The following PHLPP1 variants were observed in gnomAD, a reference collection of about 807,000 sequenced individuals.
The protein encoded by PHLPP1 is PH domain leucine-rich repeat-containing protein phosphatase 1.
PHLPP1 carries 42 observed loss-of-function variants against 117.2 expected under a neutral mutation model. The ratio of observed to expected loss-of-function variants is 0.36; its 90% CI spans 0.28 to 0.46. The LOEUF (loss-of-function observed/expected upper bound fraction) is 0.46, where lower values mean the gene tolerates loss of function less well. PHLPP1 is among the 20% of genes least tolerant of loss of function. The pLI is 1.00. For missense variants in PHLPP1, 2,084 were observed against 2,241.9 expected, an observed-to-expected ratio of 0.93 and a Z score of 1.42; for synonymous variants, 1,042 against 970.7, an observed-to-expected ratio of 1.07 and a Z score of -1.37.
In PHLPP1 at chr18:62,774,685, C is replaced by CT. The variant is rs531010554; in HGVS notation, c.1577-55347dup. 1.1e-3 allele frequency among the ~76,000 whole-genome samples: 161 copies of CT among 152,304 alleles called. 1 individual carries two copies. The highest frequency in any genetic ancestry group is 3.4e-3 in the African/African-American group (140 of 41,566). On this transcript the variant is annotated intron_variant, in intron 1 of 16. Transcript: ENST00000262719. ...GTAACAATTTCATCTGTGTTCTTGA[C>CT]TTTCGTTTAGAAACCTTATCCTTTC...
rs754701296 is a variant in PHLPP1, at chr18:62,978,531, G to A, written c.4254G>A (p.Val1418=). 1 of 1,611,168 alleles carries A rather than the reference G, an allele frequency of 6.2e-7. No homozygotes were observed. Among genetic ancestry groups the A allele is most frequent in the South Asian group, 1.1e-5 (1 of 90,632 alleles). Residue 1418 remains valine, a synonymous_variant, in exon 17 of 17, where the codon GTG becomes GTA. Coordinates refer to ENST00000262719, the MANE Select transcript of PHLPP1 (RefSeq NM_194449.4). The surrounding 1 kb of genome is among the most constrained non-coding windows in gnomAD (Gnocchi z 7.0). ...GCTGCCACGACAGCATCAGCGCTGT[G>A]GTGGTGCAGCTCAGTGTCACTGAGG... ...SYGCHDSISA[V]VVQLSVTEDS... is the part of the protein sequence containing the mutation.
intron 1 of PHLPP1, among the ~76,000 whole-genome samples, chr18:62,748,515 G>A (rs1911748010): frequency 6.6e-6 from 1 of 152,110 alleles, no homozygotes; most frequent in Admixed American, 6.5e-5. Flanking sequence ...CAAAGTGCTG[G>A]GATTACAGGG....
At chr18:62,882,130 G>A (rs984446662) in intron 4 of PHLPP1, among the ~76,000 whole-genome samples, 5 of 152,122 alleles carry the variant, frequency 3.3e-5, no homozygotes, top group African/African-American at 9.7e-5. Context: ...GTTGGATTGG[G>A]ACAAGAATAT....
chr18:62,810,497 A>G (rs543286440), intron 1 of PHLPP1, among the ~76,000 whole-genome samples: 62 of 152,296 alleles, frequency 4.1e-4, no homozygotes, highest in Non-Finnish European at 7.4e-5. Context: ...TTTTTCCTAT[A>G]TAAACATACC....
At chr18:62,782,234 T>C (rs1190213662) in intron 1 of PHLPP1, among the ~76,000 whole-genome samples, 1 of 152,270 alleles carries the variant, frequency 6.6e-6, no homozygotes, top group African/African-American at 2.4e-5. Context: ...AGTCTGCCTG[T>C]GCAGGTGTCT....
intron 1 of PHLPP1, among the ~76,000 whole-genome samples, chr18:62,750,353 C>T (rs552302651): frequency 1.8e-4 from 27 of 152,290 alleles, no homozygotes; most frequent in African/African-American, 6.5e-4. Flanking sequence ...TAATCTCTCT[C>T]TCTCTCTGTC....
Position 62,716,223 on chromosome 18 carries a change from G to A in PHLPP1, c.540G>A (p.Lys180=), listed in dbSNP as rs1051088639. Residue 180 remains lysine, a synonymous_variant, in exon 1 of 17, where the codon AAG becomes AAA. Transcript: ENST00000262719. The surrounding 1 kb of genome is among the most constrained non-coding windows in gnomAD (Gnocchi z 5.7). ...RSLDRKTLLL[K]HRQTLQLQPS... ...TGGACAGGAAGACGCTGCTTCTGAA[G>A]CACCGGCAGACGCTGCAGCTGCAGC... 4 of 1,528,300 alleles carry A rather than the reference G, an allele frequency of 2.6e-6. No homozygotes were observed. The highest frequency in any genetic ancestry group is 3.5e-6 in the Non-Finnish European group (4 of 1,143,464). The allele number at this position is 1,528,300 out of a possible 1,614,324, so 94.7% of individuals were successfully genotyped here.
In PHLPP1 at chr18:62,716,433, G is replaced by C. The variant is rs1599009531; in HGVS notation, c.750G>C (p.Gln250His). The C allele has an allele frequency of 3.7e-6, 5 of 1,366,316 alleles. No homozygotes were observed. Among genetic ancestry groups the C allele is most frequent in the Non-Finnish European group, 4.7e-6 (5 of 1,061,614 alleles). 84.6% of individuals were successfully genotyped at this position (1,366,316 alleles called of 1,614,324 possible). ...GCGGCGTGGTGAAGGTGCTGGGCCA[G>C]GGGCCCGGAGCCGCCGCCGCCCGGG... is the stretch of plus-strand genomic sequence containing the variant. ...KGGGVVKVLG[Q>H]GPGAAAAREP... Residue 250 changes from glutamine (Q) to histidine (H), a missense_variant, in exon 1 of 17, where the codon CAG becomes CAC. This residue lies in a region of PHLPP1 where 719 missense variants were observed against 636.0 expected (regional missense o/e 1.13). Transcript: ENST00000262719. The surrounding 1 kb of genome is among the most constrained non-coding windows in gnomAD (Gnocchi z 5.7).
At position 62,716,225 on chromosome 18, in the gene PHLPP1, A is replaced by G; in HGVS notation, c.542A>G (p.His181Arg). The change falls in exon 1 of 17, where the codon CAC becomes CGC. Residue 181 changes from histidine (H) to arginine (R), a missense_variant. Physicochemically the swap from His to Arg is conservative, Grantham distance 29 (BLOSUM62 0). Coordinates refer to ENST00000262719, the MANE Select transcript of PHLPP1 (RefSeq NM_194449.4). The surrounding 1 kb of genome is among the most constrained non-coding windows in gnomAD (Gnocchi z 5.7). ...GACAGGAAGACGCTGCTTCTGAAGC[A>G]CCGGCAGACGCTGCAGCTGCAGCCG... ...SLDRKTLLLKHRQTLQLQPSD... is the reference protein window; with the variant it reads ...SLDRKTLLLKRRQTLQLQPSD... 1.2e-5 allele frequency: 18 copies of G among 1,528,472 alleles called. No individual in the cohort carries two copies. Among genetic ancestry groups the G allele is most frequent in the Non-Finnish European group, 1.5e-5 (17 of 1,143,586 alleles). The allele number at this position is 1,528,472 out of a possible 1,614,324, so 94.7% of individuals were successfully genotyped here.
chr18:62,858,929 G>T (rs115900836), intron 3 of PHLPP1, among the ~76,000 whole-genome samples: 5 of 152,072 alleles, frequency 3.3e-5, no homozygotes, highest in Non-Finnish European at 7.4e-5. Context: ...ATCTTTATAC[G>T]TGTTATACAG....
At chr18:62,748,841 C>G (rs180824383) in intron 1 of PHLPP1, among the ~76,000 whole-genome samples, 1 of 152,146 alleles carries the variant, frequency 6.6e-6, no homozygotes, top group African/African-American at 2.4e-5. Context: ...TTGTGGCTCC[C>G]CCCAACACAC....
At chr18:62,913,038 G>A (rs566835205) in intron 8 of PHLPP1, among the ~76,000 whole-genome samples, 2 of 152,322 alleles carry the variant, frequency 1.3e-5, no homozygotes, top group African/African-American at 4.8e-5. Context: ...CTTGTGTCAT[G>A]CTTGTCTCTG....
chr18:62,956,387 C>G (rs1304628150), intron 12 of PHLPP1, among the ~76,000 whole-genome samples: 1 of 152,144 alleles, frequency 6.6e-6, no homozygotes, highest in African/African-American at 2.4e-5. Context: ...GGGCAAAGCC[C>G]TTATGACCTC....
intron 1 of PHLPP1, among the ~76,000 whole-genome samples, chr18:62,803,290 T>G (rs965597724): frequency 1.3e-5 from 2 of 152,146 alleles, no homozygotes; most frequent in Non-Finnish European, 2.9e-5. Context: ...TTCAGAAAGG[T>G]ATGCAAGTCT....
In PHLPP1 at chr18:62,979,592, ATT is replaced by A; in HGVS notation, c.*167_*168del. 1.3e-6 allele frequency: 1 copy of A among 762,928 alleles called. No individual in the cohort carries two copies. The highest frequency in any genetic ancestry group is 2.1e-6 in the Non-Finnish European group (1 of 483,766). 47.3% of individuals were successfully genotyped at this position (762,928 alleles called of 1,614,324 possible). A position where few individuals can be genotyped will look rare whatever the true frequency, so the allele number is the denominator to read the frequency against. The stretch of plus-strand genomic sequence containing the variant: ...TCTGTAGGTTCTCTTTCTTTGGGTT[ATT>A]TTTTTAAGTAATCACCACTTTCTTC... On this transcript the variant is annotated 3_prime_UTR_variant, in exon 17 of 17. Transcript: ENST00000262719.
intron 4 of PHLPP1, among the ~76,000 whole-genome samples, chr18:62,890,291 G>T (rs192939489): frequency 1.8e-3 from 274 of 151,886 alleles, no homozygotes; most frequent in South Asian, 3.5e-3. Flanking sequence ...TTTTGAGATG[G>T]AGTCTTGCTT....
At chr18:62,719,084 G>C (rs1910843281) in intron 1 of PHLPP1, among the ~76,000 whole-genome samples, 1 of 152,144 alleles carries the variant, frequency 6.6e-6, no homozygotes, top group South Asian at 2.1e-4. Context: ...ATGAAAAGCA[G>C]TAATTGTTAC....
At chr18:62,933,187 C>G (rs777570777) in intron 10 of PHLPP1, among the ~76,000 whole-genome samples, 1 of 152,130 alleles carries the variant, frequency 6.6e-6, no homozygotes, top group African/African-American at 2.4e-5. Context: ...GGTTATACTG[C>G]CCAAACAGTC....
intron 1 of PHLPP1, among the ~76,000 whole-genome samples, chr18:62,825,086 G>A (rs1210127594): frequency 6.6e-6 from 1 of 151,942 alleles, no homozygotes; most frequent in African/African-American, 2.4e-5. Flanking sequence ...AGTCTCCCGA[G>A]TAGCTAGGAC....
Sources: gnomAD v4.1 joint callset for allele counts (sites outside exome capture counted in the v4.1 genomes callset) on GRCh38, gnomAD v4.1.1 for gene constraint, gnomAD v4.1.1 regional missense constraint, Gnocchi (gnomAD v3.1) non-coding constraint, MANE v1.5 for transcripts, NCBI Gene and HGNC (gene_info 2026-07-23, HGNC 2026-07-21) for gene names.